The following ERBB4 variants were observed in gnomAD, a reference collection of about 807,000 sequenced individuals.
ERBB4 encodes erb-b2 receptor tyrosine kinase 4.
ERBB4 carries 42 observed loss-of-function variants against 158.0 expected under a neutral mutation model. The ratio of observed to expected loss-of-function variants is 0.27; its 90% CI spans 0.21 to 0.34. The LOEUF (loss-of-function observed/expected upper bound fraction) is 0.34. Ranked by LOEUF, ERBB4 falls within the 10% of genes least tolerant of loss-of-function variation. The pLI is 1.00. For missense variants in ERBB4, 1,333 were observed against 1,624.1 expected, an observed-to-expected ratio of 0.82 and a Z score of 3.08; for synonymous variants, 583 against 558.7, an observed-to-expected ratio of 1.04 and a Z score of -0.61.
intron 19 of ERBB4, among the ~76,000 whole-genome samples, chr2:211,586,097 AT>A (rs1222150814): frequency 6.6e-6 from 1 of 152,154 alleles, no homozygotes; most frequent in Non-Finnish European, 1.5e-5. Flanking sequence ...AAATAATCAA[AT>A]TCAATAAACC....
At chr2:211,654,324 G>A (rs1391737020) in intron 16 of ERBB4, among the ~76,000 whole-genome samples, 4 of 152,336 alleles carry the variant, frequency 2.6e-5, no homozygotes, top group African/African-American at 7.2e-5. Context: ...ACAAGTCAAT[G>A]CAAGTGAAGA....
chr2:212,044,006 A>C (rs1369227522), intron 2 of ERBB4, among the ~76,000 whole-genome samples: 1 of 152,126 alleles, frequency 6.6e-6, no homozygotes, highest in Admixed American at 6.6e-5. Context: ...AAAGTTCATA[A>C]TCATCGAGTG....
Position 211,420,587 on chromosome 2 carries a change from T to G in ERBB4, c.2989A>C (p.Ser997Arg). 1.9e-6 allele frequency: 3 copies of G among 1,612,280 alleles called. No individual in the cohort carries two copies. The highest frequency in any genetic ancestry group is 1.7e-6 in the Non-Finnish European group (2 of 1,179,146). The change falls in exon 25 of 28, where the codon AGT (serine) becomes CGT (arginine). Residue 997 changes from serine (S) to arginine (R), a missense_variant. Ser to Arg is a moderately radical substitution (Grantham distance 110). Coordinates refer to ENST00000342788, the MANE Select transcript of ERBB4 (RefSeq NM_005235.3). Reference protein sequence around the residue: ...IQGDDRMKLPSPNDSKFFQNL... With the variant: ...IQGDDRMKLPRPNDSKFFQNL... ...TGAAAGAACTTGCTGTCATTTGGAC[T>G]GGGAAGCTTCATACGATCATCACCC...
intron 16 of ERBB4, among the ~76,000 whole-genome samples, chr2:211,637,227 T>A (rs1363066313): frequency 2.0e-5 from 3 of 151,986 alleles, no homozygotes; most frequent in Non-Finnish European, 4.4e-5. Context: ...TTTTGTAAAG[T>A]GTTCTTGCTG....
At chr2:211,750,051 G>A (rs1029613762) in intron 5 of ERBB4, among the ~76,000 whole-genome samples, 1 of 151,788 alleles carries the variant, frequency 6.6e-6, no homozygotes, top group Non-Finnish European at 1.5e-5. Context: ...AGTATGCTTT[G>A]TTACTATATG....
intron 1 of ERBB4, among the ~76,000 whole-genome samples, chr2:212,344,995 G>C (rs6704717): frequency 0.8 from 121,091 of 151,920 alleles, 48,530 homozygotes; most frequent in Middle Eastern, 0.87. Context: ...GGCGTGGTGG[G>C]TCACGCCTGT....
In ERBB4 at chr2:211,478,953, G is replaced by A. The variant is rs568916366; in HGVS notation, c.2488-47853C>T. Reference sequence around the variant, plus strand: ...CTTTCCCAACTACATCCTCGGTTTCGTCTCTCTAATCACTTTTTACTTATC... The same window carrying A: ...CTTTCCCAACTACATCCTCGGTTTCATCTCTCTAATCACTTTTTACTTATC... On this transcript the variant is annotated intron_variant, in intron 20 of 27. Coordinates refer to ENST00000342788, the MANE Select transcript of ERBB4 (RefSeq NM_005235.3). 4.6e-5 allele frequency among the ~76,000 whole-genome samples: 7 copies of A among 152,104 alleles called. No homozygotes were observed. The East Asian group carries it at 7.7e-4, about 17-fold the overall frequency.
intron 1 of ERBB4, among the ~76,000 whole-genome samples, chr2:212,273,521 T>G (rs773904288): frequency 6.6e-6 from 1 of 151,816 alleles, no homozygotes; most frequent in Non-Finnish European, 1.5e-5. Context: ...CCATGTGGTT[T>G]ACATCCTTCC....
Position 212,062,920 on chromosome 2 carries a change from T to C in ERBB4, c.234+61832A>G, listed in dbSNP as rs114114444. ...TAAATATCTTAAGTGTTAGTGTCCTTATGTGTTAAAAGAAAAAACAAAAAA... is the reference window on the plus strand; with the variant it reads ...TAAATATCTTAAGTGTTAGTGTCCTCATGTGTTAAAAGAAAAAACAAAAAA... On this transcript the variant is annotated intron_variant, in intron 2 of 27. Coordinates refer to ENST00000342788, the MANE Select transcript of ERBB4 (RefSeq NM_005235.3). Among the ~76,000 whole-genome samples, 1,021 of 152,306 alleles carry C rather than the reference T, an allele frequency of 6.7e-3. 9 individuals carry two copies. Among genetic ancestry groups the C allele is most frequent in the African/African-American group, 0.023 (968 of 41,560 alleles).
chr2:212,324,891 C>T lies in ERBB4; in HGVS notation c.83-199988G>A, dbSNP rs145404447. Among the ~76,000 whole-genome samples, 294 of 150,334 alleles carry T rather than the reference C, an allele frequency of 2.0e-3. 14 individuals carry two copies. Among genetic ancestry groups the T allele is most frequent in the South Asian group, 2.8e-3 (13 of 4,702 alleles). ...CAGTATGCTCAAAAATTTTTTCCTC[C>T]TAAGTTCTGGTATAACATTCATAAA... On this transcript the variant is annotated intron_variant, in intron 1 of 27. Coordinates refer to ENST00000342788, the MANE Select transcript of ERBB4 (RefSeq NM_005235.3).
intron 1 of ERBB4, chr2:212,426,418 A>C: frequency 2.3e-6 from 1 of 432,668 alleles, no homozygotes; most frequent in Non-Finnish European, 4.5e-6. Flanking sequence ...TTCTAAATGT[A>C]TATTTTCAAG....
chr2:212,523,893 G>A (rs7565622), intron 1 of ERBB4, among the ~76,000 whole-genome samples: 91,846 of 151,846 alleles, frequency 0.6, 29,799 homozygotes, highest in African/African-American at 0.84. Flanking sequence ...AGACCATTCC[G>A]ACTTTGGTTA....
chr2:212,025,259 G>T (rs1453394814), intron 2 of ERBB4, among the ~76,000 whole-genome samples: 4 of 151,760 alleles, frequency 2.6e-5, no homozygotes, highest in African/African-American at 9.7e-5. Flanking sequence ...CCCATTATGA[G>T]AAGGCACTTG....
intron 2 of ERBB4, among the ~76,000 whole-genome samples, chr2:212,078,748 T>A (rs1452548696): frequency 1.3e-5 from 2 of 151,586 alleles, no homozygotes; most frequent in African/African-American, 4.8e-5. Context: ...TAGTTTTTGT[T>A]TACAAACACA....
At chr2:211,627,369 G>A (rs190474213) in intron 17 of ERBB4, among the ~76,000 whole-genome samples, 2 of 152,218 alleles carry the variant, frequency 1.3e-5, no homozygotes, top group African/African-American at 4.8e-5. Flanking sequence ...AGCTAAAGTA[G>A]GAATCACTAT....
At chr2:211,732,968 C>T (rs940643291) in intron 5 of ERBB4, among the ~76,000 whole-genome samples, 3 of 152,136 alleles carry the variant, frequency 2.0e-5, no homozygotes, top group African/African-American at 7.2e-5. Context: ...CTGAGTGAGA[C>T]TCCGTCTCAA....
At position 211,614,954 on chromosome 2, in the gene ERBB4, C is replaced by T. The variant is rs371502181; in HGVS notation, c.2301+4223G>A. Reference sequence around the variant, plus strand: ...CTATTCTTTTTAATAAGAATATTACCATTTACATAATAAAGTCAGATGACT... The same window carrying T: ...CTATTCTTTTTAATAAGAATATTACTATTTACATAATAAAGTCAGATGACT... On this transcript the variant is annotated intron_variant, in intron 19 of 27. Transcript: ENST00000342788. Among the ~76,000 whole-genome samples, 9 of 151,962 alleles carry T rather than the reference C, an allele frequency of 5.9e-5. No homozygotes were observed. In the East Asian group the frequency reaches 1.7e-3, roughly 29 times the overall value.
chr2:211,633,547 C>A, intron 16 of ERBB4, among the ~76,000 whole-genome samples: 2 of 118,982 alleles, frequency 1.7e-5, no homozygotes, highest in East Asian at 2.4e-4. Context: ...AACAAGAACA[C>A]AAAGTAAACA....
intron 16 of ERBB4, among the ~76,000 whole-genome samples, chr2:211,641,356 G>GT (rs56743446): frequency 0.025 from 3,833 of 152,034 alleles, 157 homozygotes; most frequent in African/African-American, 0.085. Context: ...GTTCCAATCT[G>GT]TTTTTGTTCT....
Sources: gnomAD v4.1 joint callset for allele counts (sites outside exome capture counted in the v4.1 genomes callset) on GRCh38, gnomAD v4.1.1 for gene constraint, MANE v1.5 for transcripts, NCBI Gene and HGNC (gene_info 2026-07-23, HGNC 2026-07-21) for gene names.